The following TPST2 variants were observed in gnomAD, a reference collection of about 807,000 sequenced individuals.
The protein encoded by TPST2 is protein-tyrosine sulfotransferase 2.
TPST2 carries 16 observed loss-of-function variants against 27.8 expected under a neutral mutation model. That is an observed-to-expected ratio of 0.58 (90% CI 0.39 to 0.88). The LOEUF (loss-of-function observed/expected upper bound fraction) is 0.88, where lower values mean the gene tolerates loss of function less well. Among genes scored for constraint, TPST2 ranks in the 40% least tolerant of loss-of-function variants. The pLI, the probability that TPST2 is intolerant of heterozygous loss-of-function variation, is 0.00. For missense variants in TPST2, 464 were observed against 543.1 expected (o/e 0.85, Z 1.45); for synonymous variants, 229 against 231.7 (o/e 0.99, Z 0.10).
intron 1 of TPST2, among the ~76,000 whole-genome samples, chr22:26,565,006 A>AC (rs1483133772): frequency 1.3e-5 from 2 of 151,328 alleles, no homozygotes; most frequent in East Asian, 1.9e-4. Context: ...CTGTCTGCAG[A>AC]CCCCCCACTG....
At chr22:26,535,012 C>T (rs1427209435) in intron 4 of TPST2, among the ~76,000 whole-genome samples, 1 of 152,140 alleles carries the variant, frequency 6.6e-6, no homozygotes, top group Non-Finnish European at 1.5e-5. Context: ...GGAAGAGGAA[C>T]TCACGAGACC....
chr22:26,526,577 C>G (rs528661875), intron 6 of TPST2, among the ~76,000 whole-genome samples: 19 of 152,292 alleles, frequency 1.2e-4, no homozygotes, highest in African/African-American at 4.3e-4. Flanking sequence ...CATGTTTGTT[C>G]AAGGCCAACT....
intron 1 of TPST2, among the ~76,000 whole-genome samples, chr22:26,554,161 T>C (rs150956886): frequency 3.0e-4 from 46 of 152,332 alleles, no homozygotes; most frequent in African/African-American, 1.0e-3. Context: ...AACTCAGGTC[T>C]ATCTGATGCC....
chr22:26,528,348 G>A, intron 5 of TPST2, 86 bp from the exon 6 acceptor site: 3 of 1,431,036 alleles, frequency 2.1e-6, no homozygotes, highest in Non-Finnish European at 2.9e-6. Flanking sequence ...CAGCATCACT[G>A]AGTCATGCAC....
chr22:26,580,447 C>T (rs1928055809), intron 1 of TPST2, among the ~76,000 whole-genome samples: 1 of 152,166 alleles, frequency 6.6e-6, no homozygotes, highest in Non-Finnish European at 1.5e-5. Flanking sequence ...AGAGAGGTGA[C>T]TACTGGCCCA....
intron 1 of TPST2, among the ~76,000 whole-genome samples, chr22:26,553,189 T>G (rs1926578748): frequency 6.6e-6 from 1 of 151,596 alleles, no homozygotes; most frequent in South Asian, 2.1e-4. Context: ...GGGACTTTTC[T>G]CAGTAGGGAC....
chr22:26,578,139 C>T (rs1927934237), intron 1 of TPST2, among the ~76,000 whole-genome samples: 2 of 152,258 alleles, frequency 1.3e-5, no homozygotes, highest in African/African-American at 4.8e-5. Context: ...AGGTGATCCG[C>T]GCATCTCCGC....
rs1924759031 is a variant in TPST2, at chr22:26,525,136, G to A, written c.*1139C>T. On this transcript the variant is annotated 3_prime_UTR_variant, in exon 7 of 7. Coordinates refer to ENST00000338754, the MANE Select transcript of TPST2 (RefSeq NM_003595.5). ...GTACGTGTTGTCACATATCATTGCT[G>A]GGAAAATTAAGTGTGTCTGTAAGAC... is the stretch of plus-strand genomic sequence containing the variant. The A allele has an allele frequency of 6.6e-6, 1 of 152,192 alleles. No individual in the cohort carries two copies. The highest frequency in any genetic ancestry group is 1.5e-5 in the Non-Finnish European group (1 of 68,036). 9.4% of individuals were successfully genotyped at this position (152,192 alleles called of 1,614,324 possible).
rs1443802463 is a variant in TPST2, at chr22:26,523,203, A to AT, written c.*3071_*3072insA. 1.3e-5 allele frequency: 2 copies of AT among 152,286 alleles called. No individual in the cohort carries two copies. The highest frequency in any genetic ancestry group is 6.5e-5 in the Admixed American group (1 of 15,282). The allele number at this position is 152,286 out of a possible 1,614,324, so 9.4% of individuals were successfully genotyped here. A position where few individuals can be genotyped will look rare whatever the true frequency, so the allele number is the denominator to read the frequency against. ...GACTCTGTCTCCAAAACAAACAAAC[A>AT]AACAATCCTCCAGAGCAATCTGTTA... On this transcript the variant is annotated 3_prime_UTR_variant, in exon 7 of 7. Transcript: ENST00000338754.
chr22:26,540,736 G>A (rs1925744809), intron 3 of TPST2, 53 bp downstream of exon 3: 10 of 1,488,098 alleles, frequency 6.7e-6, no homozygotes, highest in Admixed American at 4.5e-5. Context: ...CTTGCCTGGC[G>A]CCTCTGACTC....
intron 1 of TPST2, among the ~76,000 whole-genome samples, chr22:26,579,832 GGAGA>G (rs1053996565): frequency 2.6e-5 from 4 of 151,732 alleles, no homozygotes; most frequent in African/African-American, 9.7e-5. Context: ...ATGTAGATGG[GGAGA>G]GAGAGTCAGA....
At chr22:26,571,169 C>T (rs1927609481) in intron 1 of TPST2, among the ~76,000 whole-genome samples, 1 of 152,188 alleles carries the variant, frequency 6.6e-6, no homozygotes, top group Non-Finnish European at 1.5e-5. Flanking sequence ...TGCCCCCAAC[C>T]CCACTGGCCC....
intron 1 of TPST2, among the ~76,000 whole-genome samples, chr22:26,573,983 A>G (rs777967968): frequency 6.6e-6 from 1 of 152,232 alleles, no homozygotes; most frequent in Non-Finnish European, 1.5e-5. Flanking sequence ...CACTTAAAAC[A>G]TCACAGGGAG....
At position 26,540,168 on chromosome 22, in the gene TPST2, C is replaced by T. The variant is rs777320836; in HGVS notation, c.842+621G>A. Among the ~76,000 whole-genome samples the T allele has an allele frequency of 8.5e-5, 13 of 152,296 alleles. No individual in the cohort carries two copies. In the Middle Eastern group the frequency reaches 0.02, roughly 239 times the overall value. On this transcript the variant is annotated intron_variant, in intron 3 of 6. Transcript: ENST00000338754. ...TGTTACAGATGAAGCAATGGAAGCA[C>T]AGGGGTTGAGTCGCTTTGCCCAGGG...
chr22:26,528,391 A>C (rs1192234308), intron 5 of TPST2, 129 bp from the exon 6 acceptor site: 15 of 1,167,334 alleles, frequency 1.3e-5, no homozygotes, highest in Non-Finnish European at 1.7e-5. Flanking sequence ...CTGTACATCT[A>C]CTATGTGCCA....
At chr22:26,560,218 A>G (rs1191710830) in intron 1 of TPST2, among the ~76,000 whole-genome samples, 3 of 152,094 alleles carry the variant, frequency 2.0e-5, no homozygotes, top group African/African-American at 7.2e-5. Context: ...TGCTGGCATC[A>G]TGCTGGCTTG....
At chr22:26,537,816 T>TCA (rs1330689484) in intron 3 of TPST2, among the ~76,000 whole-genome samples, 14 of 151,722 alleles carry the variant, frequency 9.2e-5, no homozygotes, top group Non-Finnish European at 1.5e-4. Flanking sequence ...GCTCTCTCTC[T>TCA]CACACACACA....
At chr22:26,534,808 T>C (rs953800212) in intron 4 of TPST2, among the ~76,000 whole-genome samples, 12 of 152,136 alleles carry the variant, frequency 7.9e-5, no homozygotes, top group Non-Finnish European at 1.2e-4. Flanking sequence ...GATAAAAGTA[T>C]GTAAAACACA....
chr22:26,552,896 CTAAAAATACAAAAATTAGCCG>C (rs1217433432), intron 1 of TPST2, among the ~76,000 whole-genome samples: 1 of 151,926 alleles, frequency 6.6e-6, no homozygotes, highest in Non-Finnish European at 1.5e-5. Context: ...CCCATCTCTA[CTAAAAATACAAAAATTAGCCG>C]CGCATGGTGG....
Sources: gnomAD v4.1 joint callset for allele counts (sites outside exome capture counted in the v4.1 genomes callset) on GRCh38, gnomAD v4.1.1 for gene constraint, MANE v1.5 for transcripts, NCBI Gene and HGNC (gene_info 2026-07-23, HGNC 2026-07-21) for gene names.